Variants in POLN observed in about 807,000 individuals in gnomAD.
POLN encodes DNA polymerase nu, also known as DNA polymerase N.
In POLN, 108 loss-of-function variants were observed where a neutral mutation model predicts 113.5. The ratio of observed to expected loss-of-function variants is 0.95; its 90% CI spans 0.81 to 1.12. The LOEUF is 1.12. Among genes scored for constraint, POLN ranks in the 50% most tolerant of loss-of-function variants. The pLI is 0.00. For missense variants in POLN, 1,097 were observed against 1,077.1 expected, an observed-to-expected ratio of 1.02 and a Z score of -0.26; for synonymous variants, 386 against 391.5, an observed-to-expected ratio of 0.99 and a Z score of 0.17.
intron 19 of POLN, among the ~76,000 whole-genome samples, chr4:2,112,999 A>G (rs1201273268): frequency 1.3e-5 from 2 of 152,102 alleles, no homozygotes; most frequent in African/African-American, 4.8e-5. Context: ...ATGCCCAACA[A>G]TGATAGACTG....
chr4:2,105,846 A>ATGG (rs745882094), intron 19 of POLN, among the ~76,000 whole-genome samples: 4 of 148,796 alleles, frequency 2.7e-5, no homozygotes, highest in South Asian at 2.1e-4. Flanking sequence ...GATGATGATG[A>ATGG]TGGTGATGAT....
At chr4:2,240,927 A>G (rs765793541) in intron 2 of POLN, 4 of 1,598,130 alleles carry the variant, frequency 2.5e-6, no homozygotes, top group South Asian at 1.1e-5. Context: ...TGTTTCCACA[A>G]ACTCATTTCC....
At chr4:2,210,217 G>C (rs1577774309) in intron 4 of POLN, among the ~76,000 whole-genome samples, 2 of 151,882 alleles carry the variant, frequency 1.3e-5, no homozygotes, top group South Asian at 2.1e-4. Flanking sequence ...ACAAGAAAAG[G>C]AATTCAAGGA....
In POLN at chr4:2,081,246, G is replaced by C. The variant is rs896974827; in HGVS notation, c.2309-210C>G. 7.5e-6 allele frequency: 11 copies of C among 1,470,268 alleles called. No homozygotes were observed. The African/African-American group carries it at 1.5e-4, about 20-fold the overall frequency. The allele number at this position is 1,470,268 out of a possible 1,614,324, so 91.1% of individuals were successfully genotyped here. The stretch of plus-strand genomic sequence containing the variant: ...TGCTCCTGCAGGGCACCTGGGTTTT[G>C]GGTGCCTTACTCCTGGAGGCCTCAC... On this transcript the variant is annotated intron_variant, in intron 22 of 25. Coordinates refer to ENST00000511885, the MANE Select transcript of POLN (RefSeq NM_181808.4).
At chr4:2,180,700 A>G (rs1254526455) in intron 7 of POLN, among the ~76,000 whole-genome samples, 3 of 152,210 alleles carry the variant, frequency 2.0e-5, no homozygotes, top group African/African-American at 7.2e-5. Flanking sequence ...TTAATATTCC[A>G]AAAGTAATGG....
chr4:2,192,665 T>TA (rs1039309419), intron 7 of POLN, among the ~76,000 whole-genome samples: 3 of 151,734 alleles, frequency 2.0e-5, no homozygotes, highest in Admixed American at 2.0e-4. Flanking sequence ...AAAAAGTTAT[T>TA]AAAAAAACTT....
chr4:2,179,494 C>G (rs1733080792), intron 7 of POLN, 29 bp from the exon 8 acceptor site: 14 of 1,600,440 alleles, frequency 8.7e-6, no homozygotes, highest in Non-Finnish European at 1.0e-5. Context: ...TTCAGTCATC[C>G]CAAGAAAAAC....
intron 2 of POLN, chr4:2,240,690 G>T: frequency 6.2e-7 from 1 of 1,613,966 alleles, no homozygotes; most frequent in Non-Finnish European, 8.5e-7. Context: ...CAAATCAGAA[G>T]TTTTACACGT....
chr4:2,130,236 A>G (rs1731689134), intron 17 of POLN, among the ~76,000 whole-genome samples: 1 of 145,362 alleles, frequency 6.9e-6, no homozygotes, highest in African/African-American at 2.5e-5. Flanking sequence ...ACAGAGCGAG[A>G]CTCTGTCTCA....
chr4:2,211,184 G>A lies in POLN; in HGVS notation c.213+1863C>T, dbSNP rs1383208134. Among the ~76,000 whole-genome samples, 3 of 148,342 alleles carry A rather than the reference G, an allele frequency of 2.0e-5. No homozygotes were observed. The East Asian group carries it at 5.9e-4, about 29-fold the overall frequency. ...AGAATCGCTTAACCCAGGAGGCGGA[G>A]GTTGCAGTGAGCCGAGATCACACCA... is the stretch of plus-strand genomic sequence containing the variant. On this transcript the variant is annotated intron_variant, in intron 4 of 25. Transcript: ENST00000511885.
At chr4:2,114,148 C>A (rs1440668470) in intron 19 of POLN, among the ~76,000 whole-genome samples, 1 of 151,908 alleles carries the variant, frequency 6.6e-6, no homozygotes, top group African/African-American at 2.4e-5. Context: ...ACCCTCCCAC[C>A]TTAGCCTCTG....
intron 23 of POLN, chr4:2,079,346 T>C (rs1730349875): frequency 1.2e-6 from 1 of 866,010 alleles, no homozygotes; most frequent in Admixed American, 6.2e-5. Context: ...GAAGCTATAA[T>C]TTACCTGCAG....
chr4:2,228,753 C>G, intron 3 of POLN: 1 of 204,046 alleles, frequency 4.9e-6, no homozygotes, highest in Non-Finnish European at 9.9e-6. Flanking sequence ...AAAAACATAT[C>G]TCTTGTTCAC....
At chr4:2,089,959 A>T (rs1241601804) in intron 20 of POLN, 1 of 947,118 alleles carries the variant, frequency 1.1e-6, no homozygotes, top group Non-Finnish European at 1.7e-6. Context: ...TTCTTTTGTT[A>T]ACCTACATGA....
At chr4:2,091,378 G>A (rs1457096026) in intron 20 of POLN, among the ~76,000 whole-genome samples, 2 of 152,148 alleles carry the variant, frequency 1.3e-5, no homozygotes, top group African/African-American at 4.8e-5. Context: ...GGACGGTGTG[G>A]TGGCTCCACA....
chr4:2,099,201 C>T (rs1730867166), intron 19 of POLN, among the ~76,000 whole-genome samples: 1 of 152,182 alleles, frequency 6.6e-6, no homozygotes, highest in African/African-American at 2.4e-5. Flanking sequence ...CAAAGGGTAA[C>T]CCCCAACTCC....
intron 19 of POLN, among the ~76,000 whole-genome samples, chr4:2,115,937 C>A (rs1014497744): frequency 2.6e-5 from 4 of 152,182 alleles, no homozygotes; most frequent in Admixed American, 2.0e-4. Context: ...GCTTTTCAGA[C>A]GATAGGAGAC....
At position 2,073,005 on chromosome 4, in the gene POLN, G is replaced by A. The variant is rs149931048; in HGVS notation, c.2480C>T (p.Ser827Phe). The A allele has an allele frequency of 2.0e-5, 32 of 1,613,416 alleles. No homozygotes were observed. The African/African-American group carries it at 4.3e-4, about 22-fold the overall frequency. The change falls in exon 25 of 26, where the codon TCC (serine) becomes TTC (phenylalanine). Residue 827 changes from serine to phenylalanine, a missense_variant. By Grantham distance (155) the Ser-to-Phe change is radical (BLOSUM62 -2). Transcript: ENST00000511885. ...CAALVRRTME[S>F]LEQVQALELQ... is the part of the protein sequence containing the mutation. ...CTCCAATGCCTGCACCTGTTCCAAG[G>A]ACTCCATGGTCCTCCTGACGAGAGC...
chr4:2,193,339 C>G, intron 6 of POLN, 23 bp from the exon 7 acceptor site: 1 of 1,487,748 alleles, frequency 6.7e-7, no homozygotes, highest in Non-Finnish European at 9.2e-7. Flanking sequence ...AAGAAATTCA[C>G]TGATTTAAAC....
Sources: allele counts gnomAD v4.1 joint callset (sites outside exome capture counted in the v4.1 genomes callset), GRCh38; gene constraint gnomAD v4.1.1; transcripts MANE v1.5; gene names NCBI Gene and HGNC (gene_info 2026-07-23, HGNC 2026-07-21).